The following EEF1E1 variants were observed in gnomAD, a reference collection of about 807,000 sequenced individuals.
EEF1E1 encodes the protein eukaryotic translation elongation factor 1 epsilon 1, also known as eukaryotic translation elongation factor 1 epsilon-1.
In EEF1E1, 19 loss-of-function variants were observed where a neutral mutation model predicts 19.9. The observed-to-expected ratio is 0.95, with a 90% CI of 0.66 to 1.40. EEF1E1 has a LOEUF of 1.40. Ranked by LOEUF, EEF1E1 falls within the 40% of genes most tolerant of loss-of-function variation. The pLI is 0.00. For synonymous variants in EEF1E1, 81 were observed against 80.0 expected (o/e 1.01, Z -0.07); for missense variants, 198 against 202.2 (o/e 0.98, Z 0.13).
At chr6:8,093,202 T>C (rs1414180887) in intron 2 of EEF1E1, among the ~76,000 whole-genome samples, 1 of 152,122 alleles carries the variant, frequency 6.6e-6, no homozygotes, top group Non-Finnish European at 1.5e-5. Context: ...TTTTATAAAC[T>C]ATGATTAGGT....
chr6:8,080,149 T>G, intron 3 of EEF1E1, 119 bp from the exon 4 acceptor site: 1 of 1,115,824 alleles, frequency 9.0e-7, no homozygotes, highest in Non-Finnish European at 1.3e-6. Context: ...CCAAGAGCTC[T>G]CAAAAGCCAA....
At chr6:8,096,346 G>A (rs140880595) in intron 2 of EEF1E1, among the ~76,000 whole-genome samples, 1 of 152,306 alleles carries the variant, frequency 6.6e-6, no homozygotes, top group Non-Finnish European at 1.5e-5. Flanking sequence ...AATAGTAGGG[G>A]CACAAGAGAA....
chr6:8,093,324 CTTT>C lies in EEF1E1; in HGVS notation c.289-3046_289-3044del, dbSNP rs57000456. ...ACTAATTATGTCTGACATTCGCTTC[CTTT>C]TTTTTTTTTTTTTTTTACAATTCTT... is the stretch of plus-strand genomic sequence containing the variant. On this transcript the variant is annotated intron_variant, in intron 2 of 3. Coordinates refer to ENST00000379715, the MANE Select transcript of EEF1E1 (RefSeq NM_004280.5). Among the ~76,000 whole-genome samples the C allele has an allele frequency of 5.3e-3, 709 of 135,038 alleles. 11 individuals carry two copies. Among genetic ancestry groups the C allele is most frequent in the African/African-American group, 0.016 (576 of 36,594 alleles). The allele number at this position is 135,038 out of a possible 152,430, so 88.6% of individuals were successfully genotyped here.
chr6:8,099,752 AC>A (rs59934847), intron 1 of EEF1E1, among the ~76,000 whole-genome samples: 24,133 of 63,176 alleles, frequency 0.38, 2,411 homozygotes, highest in Admixed American at 0.46. Flanking sequence ...CGCCTCAAAA[AC>A]ACACACACAC....
In EEF1E1 at chr6:8,102,489, C is replaced by A. The variant is rs144707004; in HGVS notation, c.33G>T (p.Glu11Asp). 1.2e-5 allele frequency: 19 copies of A among 1,612,294 alleles called. No individual in the cohort carries two copies. Among genetic ancestry groups the A allele is most frequent in the Middle Eastern group, 1.6e-4 (1 of 6,062 alleles). Residue 11 changes from glutamate to aspartate, a missense_variant, in exon 1 of 4, where the codon GAG becomes GAT. Coordinates refer to ENST00000379715, the MANE Select transcript of EEF1E1 (RefSeq NM_004280.5). The part of the protein sequence containing the change: MAAAAELSLL[E>D]KSLGLSKGNK... ...TCCCCTTACTCAGTCCCAGGGACTTCTCCAGTAGCGACAACTCTGCGGCCG... is the reference window on the plus strand; with the variant it reads ...TCCCCTTACTCAGTCCCAGGGACTTATCCAGTAGCGACAACTCTGCGGCCG...
chr6:8,082,365 C>G (rs1274272343), intron 3 of EEF1E1, among the ~76,000 whole-genome samples: 1 of 152,216 alleles, frequency 6.6e-6, no homozygotes, highest in Non-Finnish European at 1.5e-5. Context: ...GCAACCTCCA[C>G]TTCCTGGGTT....
At chr6:8,081,473 T>A (rs1421796768) in intron 3 of EEF1E1, among the ~76,000 whole-genome samples, 3 of 152,206 alleles carry the variant, frequency 2.0e-5, no homozygotes, top group Non-Finnish European at 4.4e-5. Flanking sequence ...ACTGGTAGAT[T>A]CAAACTGAAA....
At chr6:8,101,047 G>A (rs1489802353) in intron 1 of EEF1E1, among the ~76,000 whole-genome samples, 1 of 148,844 alleles carries the variant, frequency 6.7e-6, no homozygotes, top group African/African-American at 2.5e-5. Flanking sequence ...CCAACATGGT[G>A]CAACCCGGTC....
intron 3 of EEF1E1, among the ~76,000 whole-genome samples, chr6:8,081,198 A>C (rs955555179): frequency 1.3e-5 from 2 of 152,216 alleles, no homozygotes; most frequent in African/African-American, 4.8e-5. Flanking sequence ...AGAAAAATTT[A>C]AGTTTCAGGT....
At chr6:8,094,038 A>T (rs1421312305) in intron 2 of EEF1E1, among the ~76,000 whole-genome samples, 1 of 152,080 alleles carries the variant, frequency 6.6e-6, no homozygotes, top group Non-Finnish European at 1.5e-5. Context: ...ACCTCAAGTG[A>T]TCTGCCTGCC....
chr6:8,080,017 ACTGTC>A lies in EEF1E1; in HGVS notation c.393_397del (p.Thr132SerfsTer8), dbSNP rs751199989. ...ATTAAGATATTTCTCCTTTTCTTGA[ACTGTC>A]AGGTCAACCTAAGTAGAGATTAAAA... On this transcript the variant is annotated frameshift_variant, in exon 4 of 4. Transcript: ENST00000379715. LOFTEE classifies it high-confidence loss of function. The A allele has an allele frequency of 2.5e-6, 4 of 1,613,450 alleles. No individual in the cohort carries two copies. In the East Asian group the frequency reaches 8.9e-5, roughly 36 times the overall value.
At chr6:8,082,958 C>A (rs1279680786) in intron 3 of EEF1E1, among the ~76,000 whole-genome samples, 1 of 152,220 alleles carries the variant, frequency 6.6e-6, no homozygotes, top group African/African-American at 2.4e-5. Flanking sequence ...TGGTTTTCCA[C>A]CATCCCTTTC....
At chr6:8,089,754 G>T (rs771969756) in intron 3 of EEF1E1, among the ~76,000 whole-genome samples, 1 of 152,178 alleles carries the variant, frequency 6.6e-6, no homozygotes, top group Non-Finnish European at 1.5e-5. Flanking sequence ...TTACACAGAA[G>T]ATGGGGTACT....
chr6:8,088,699 G>A (rs9406091), intron 3 of EEF1E1, among the ~76,000 whole-genome samples: 38,820 of 151,994 alleles, frequency 0.26, 5,459 homozygotes, highest in Middle Eastern at 0.37. Context: ...TATCAGCAGC[G>A]TGAAAATGGA....
At chr6:8,077,013 G>C (rs1474912208), downstream of EEF1E1, among the ~76,000 whole-genome samples, 1 of 148,938 alleles carries the variant, frequency 6.7e-6, no homozygotes, top group Admixed American at 6.8e-5. Context: ...CAGCGATCTC[G>C]GCTCACTGCA....
At chr6:8,081,691 GA>G (rs1757727181) in intron 3 of EEF1E1, among the ~76,000 whole-genome samples, 2 of 152,136 alleles carry the variant, frequency 1.3e-5, no homozygotes. Context: ...GTAATAAAAA[GA>G]GCTGCAAATC....
At chr6:8,078,703 A>G (rs1757656143), downstream of EEF1E1, 1 of 1,286,486 alleles carries the variant, frequency 7.8e-7, no homozygotes, top group African/African-American at 1.5e-5. Flanking sequence ...GCCTGTTACA[A>G]TCCTCATTTT....
chr6:8,092,402 T>C (rs2113655851), intron 2 of EEF1E1, among the ~76,000 whole-genome samples: 1 of 152,312 alleles, frequency 6.6e-6, no homozygotes, highest in East Asian at 1.9e-4. Flanking sequence ...AAGATAATGA[T>C]GAAGACCTTT....
At chr6:8,085,672 G>A (rs566010188) in intron 3 of EEF1E1, among the ~76,000 whole-genome samples, 1 of 152,304 alleles carries the variant, frequency 6.6e-6, no homozygotes, top group African/African-American at 2.4e-5. Flanking sequence ...TTTTGGATGA[G>A]AAATCATGTG....
Sources: gnomAD v4.1 joint callset for allele counts (sites outside exome capture counted in the v4.1 genomes callset) on GRCh38, gnomAD v4.1.1 for gene constraint, MANE v1.5 for transcripts, NCBI Gene and HGNC (gene_info 2026-07-23, HGNC 2026-07-21) for gene names.